The following ANKRD13C variants were observed in gnomAD, a reference collection of about 807,000 sequenced individuals.
The protein encoded by ANKRD13C is ankyrin repeat domain-containing protein 13C.
In ANKRD13C, 16 loss-of-function variants were observed where a neutral mutation model predicts 65.5. The observed-to-expected ratio is 0.24, with a 90% CI of 0.17 to 0.37. The LOEUF (loss-of-function observed/expected upper bound fraction) is 0.37, where lower values mean the gene tolerates loss of function less well. Among genes scored for constraint, ANKRD13C ranks in the 10% least tolerant of loss-of-function variants. The pLI, the probability that ANKRD13C is intolerant of heterozygous loss-of-function variation, is 1.00. For synonymous variants in ANKRD13C, 235 were observed against 238.7 expected (o/e 0.98, Z 0.14); for missense variants, 503 against 655.9 (o/e 0.77, Z 2.55).
chr1:70,354,254 T>C lies in ANKRD13C; in HGVS notation c.155A>G (p.Lys52Arg). ...CCGGTGGTGATGGTTACTGAAGATC[T>C]TATGACAAGCTTTGCCGCCCTTGCC... ...RIGKGGKACH[K>R]IFSNHHHRLQ... Residue 52 changes from lysine (K) to arginine (R), a missense_variant, in exon 1 of 13, where the codon AAG becomes AGG. Physicochemically the swap from Lys to Arg is conservative, Grantham distance 26. Transcript: ENST00000370944. 6.2e-7 allele frequency: 1 copy of C among 1,613,604 alleles called. No individual in the cohort carries two copies. Among genetic ancestry groups the C allele is most frequent in the Non-Finnish European group, 8.5e-7 (1 of 1,180,016 alleles).
chr1:70,280,969 G>T (rs1308726238), intron 9 of ANKRD13C, among the ~76,000 whole-genome samples: 1 of 152,072 alleles, frequency 6.6e-6, no homozygotes, highest in Non-Finnish European at 1.5e-5. Context: ...ATCAGATATA[G>T]AGATAACAGG....
chr1:70,316,958 T>C (rs1300675654), intron 3 of ANKRD13C, among the ~76,000 whole-genome samples: 2 of 152,166 alleles, frequency 1.3e-5, no homozygotes, highest in Non-Finnish European at 2.9e-5. Flanking sequence ...AAATTATTTT[T>C]ACTATTTCAC....
rs34209470 is a variant in ANKRD13C at position 70,276,842 on chromosome 1, C to A, written c.1218G>T (p.Pro406=). ...GGNIMEQNFE[P]IRRQSLTPPP... ...GAGGTGTAAGAGACTGTCTTCGAAT[C>A]GGCTGCCAAAAAAAAAAAAGAAAGA... Residue 406 remains proline, a splice_region_variant and synonymous_variant, in exon 10 of 13, where the codon CCG becomes CCT. Coordinates refer to ENST00000370944, the MANE Select transcript of ANKRD13C (RefSeq NM_030816.5). 57 of 1,576,168 alleles carry A rather than the reference C, an allele frequency of 3.6e-5. No individual in the cohort carries two copies. The African/African-American group carries it at 6.3e-4, about 17-fold the overall frequency.
intron 9 of ANKRD13C, among the ~76,000 whole-genome samples, chr1:70,285,679 G>T: frequency 7.1e-6 from 1 of 141,418 alleles, no homozygotes; most frequent in Admixed American, 7.4e-5. Flanking sequence ...CACCCAGGCT[G>T]CAGTAGGGTG....
At chr1:70,342,948 A>ACCTAGGTGAAGAAGTCAAGGTGGC (rs1450242483) in intron 1 of ANKRD13C, among the ~76,000 whole-genome samples, 12 of 152,278 alleles carry the variant, frequency 7.9e-5, no homozygotes, top group African/African-American at 2.9e-4. Flanking sequence ...TAGACAGATA[A>ACCTAGGTGAAGAAGTCAAGGTGGC]CCTAGGTGAA....
At chr1:70,328,935 A>T (rs374249810) in intron 2 of ANKRD13C, among the ~76,000 whole-genome samples, 1 of 152,214 alleles carries the variant, frequency 6.6e-6, no homozygotes, top group East Asian at 1.9e-4. Context: ...TTGTATGTAT[A>T]CATGTATAGG....
At chr1:70,346,916 C>T (rs1682550429) in intron 1 of ANKRD13C, among the ~76,000 whole-genome samples, 1 of 151,748 alleles carries the variant, frequency 6.6e-6, no homozygotes, top group African/African-American at 2.4e-5. Flanking sequence ...ATGGTGAAAC[C>T]CCGTCTCTAC....
At chr1:70,322,917 G>A (rs1292257454) in intron 3 of ANKRD13C, among the ~76,000 whole-genome samples, 3 of 151,932 alleles carry the variant, frequency 2.0e-5, no homozygotes, top group Admixed American at 1.3e-4. Flanking sequence ...GCTTCAACCC[G>A]GGAGGCAGAG....
At chr1:70,291,560 T>C (rs1301141650) in intron 9 of ANKRD13C, among the ~76,000 whole-genome samples, 1 of 152,180 alleles carries the variant, frequency 6.6e-6, no homozygotes, top group Non-Finnish European at 1.5e-5. Context: ...TCAGTAAACA[T>C]ATGCTAAACA....
At chr1:70,348,066 T>C (rs1346694604) in intron 1 of ANKRD13C, among the ~76,000 whole-genome samples, 5 of 152,172 alleles carry the variant, frequency 3.3e-5, no homozygotes, top group Admixed American at 6.5e-5. Flanking sequence ...AGCTAAAATT[T>C]TTTTTTCCAT....
Position 70,299,603 on chromosome 1 carries a change from A to T in ANKRD13C, c.921+1161T>A, listed in dbSNP as rs74085212. 3.5e-3 allele frequency among the ~76,000 whole-genome samples: 527 copies of T among 152,378 alleles called. 3 individuals are homozygous for T. Among genetic ancestry groups the T allele is most frequent in the African/African-American group, 0.012 (508 of 41,600 alleles). On this transcript the variant is annotated intron_variant, in intron 7 of 12. Transcript: ENST00000370944. ...ACATTAAGGAGAAAGAAATGACCAG[A>T]TATGTGCTCTGATGAGAAAACACAG... is the stretch of plus-strand genomic sequence containing the variant.
chr1:70,264,618 G>A (rs1487093572), intron 12 of ANKRD13C, among the ~76,000 whole-genome samples: 1 of 151,496 alleles, frequency 6.6e-6, no homozygotes, highest in Non-Finnish European at 1.5e-5. Context: ...AGTTGTGACA[G>A]AAACCATAGA....
intron 1 of ANKRD13C, among the ~76,000 whole-genome samples, chr1:70,344,141 T>C (rs1040728627): frequency 4.6e-5 from 7 of 151,550 alleles, no homozygotes; most frequent in African/African-American, 1.5e-4. Context: ...CTACTAAAAA[T>C]ACAAAAATCA....
intron 2 of ANKRD13C, among the ~76,000 whole-genome samples, chr1:70,330,117 C>T (rs906752778): frequency 2.0e-5 from 3 of 150,624 alleles, no homozygotes; most frequent in Non-Finnish European, 4.4e-5. Flanking sequence ...CCAGATCAAT[C>T]GAATGTCTTC....
Position 70,275,504 on chromosome 1 carries a change from C to CT in ANKRD13C, c.1296-687dup, listed in dbSNP as rs994279511. On this transcript the variant is annotated intron_variant, in intron 10 of 12. Coordinates refer to ENST00000370944, the MANE Select transcript of ANKRD13C (RefSeq NM_030816.5). ...GTTGACTCAGGTTGCCTGGAATGTC[C>CT]TTTTTTTTTTTTCATTTTAAACTGG... Among the ~76,000 whole-genome samples, 1,362 of 141,182 alleles carry CT rather than the reference C, an allele frequency of 9.6e-3. 17 individuals carry two copies. Among genetic ancestry groups the CT allele is most frequent in the African/African-American group, 0.03 (1,143 of 38,624 alleles). 92.6% of individuals were successfully genotyped at this position (141,182 alleles called of 152,430 possible). A position where few individuals can be genotyped will look rare whatever the true frequency, so the allele number is the denominator to read the frequency against.
intron 4 of ANKRD13C, 92 bp downstream of exon 4, chr1:70,315,386 TAAG>T: frequency 9.5e-7 from 1 of 1,052,322 alleles, no homozygotes; most frequent in Non-Finnish European, 1.4e-6. Flanking sequence ...TGGCCCCTAA[TAAG>T]TGAGAATTTA....
At chr1:70,271,656 C>T (rs1305889533) in intron 11 of ANKRD13C, among the ~76,000 whole-genome samples, 1 of 152,054 alleles carries the variant, frequency 6.6e-6, no homozygotes, top group Non-Finnish European at 1.5e-5. Context: ...TGATTTTATC[C>T]CTTTTCTGCC....
intron 1 of ANKRD13C, among the ~76,000 whole-genome samples, chr1:70,337,559 C>T (rs1022158452): frequency 3.3e-5 from 5 of 151,302 alleles, no homozygotes; most frequent in African/African-American, 1.2e-4. Context: ...GCAGCCTGGG[C>T]GACAAGAGTG....
At chr1:70,305,017 C>T (rs888253311) in intron 6 of ANKRD13C, among the ~76,000 whole-genome samples, 8 of 151,722 alleles carry the variant, frequency 5.3e-5, no homozygotes, top group African/African-American at 1.5e-4. Context: ...CAGCACTTTG[C>T]GAGGCCAAGG....
Sources: gnomAD v4.1 joint callset for allele counts (sites outside exome capture counted in the v4.1 genomes callset) on GRCh38, gnomAD v4.1.1 for gene constraint, MANE v1.5 for transcripts, NCBI Gene and HGNC (gene_info 2026-07-23, HGNC 2026-07-21) for gene names.